PPP3CB: variants seen among roughly 807,000 people sequenced by gnomAD.
PPP3CB encodes the protein protein phosphatase 3 catalytic subunit beta.
PPP3CB carries 8 observed loss-of-function variants against 66.4 expected under a neutral mutation model. The ratio of observed to expected loss-of-function variants is 0.12; its 90% CI spans 0.07 to 0.22. PPP3CB has a LOEUF of 0.22. Among genes scored for constraint, PPP3CB ranks in the 10% least tolerant of loss-of-function variants. The probability of loss-of-function intolerance (pLI) is 1.00; values close to 1 mark genes in which losing one functional copy is unlikely to be tolerated. For missense variants in PPP3CB, 319 were observed against 642.5 expected, an observed-to-expected ratio of 0.50 and a Z score of 5.44; for synonymous variants, 208 against 221.2, an observed-to-expected ratio of 0.94 and a Z score of 0.53.
At chr10:73,495,305 C>T (rs1307389279) in intron 1 of PPP3CB, among the ~76,000 whole-genome samples, 1 of 152,204 alleles carries the variant, frequency 6.6e-6, no homozygotes, top group Non-Finnish European at 1.5e-5. Context: ...AAAAGTGAAC[C>T]CCTGCGGTTG....
At chr10:73,458,605 C>T (rs1184245420) in intron 9 of PPP3CB, among the ~76,000 whole-genome samples, 2 of 151,416 alleles carry the variant, frequency 1.3e-5, no homozygotes, top group Non-Finnish European at 2.9e-5. Context: ...AGTTACCAGC[C>T]TGGGCAACAT....
chr10:73,443,044 A>C (rs149204829), intron 12 of PPP3CB, among the ~76,000 whole-genome samples: 7,054 of 151,354 alleles, frequency 0.047, 503 homozygotes, highest in African/African-American at 0.15. Context: ...AAAAAAAATA[A>C]AAAAAATTAG....
At chr10:73,483,277 C>T (rs183110535) in intron 1 of PPP3CB, among the ~76,000 whole-genome samples, 2 of 152,302 alleles carry the variant, frequency 1.3e-5, no homozygotes, top group Admixed American at 1.3e-4. Flanking sequence ...AGAAAAACGT[C>T]ACCTACTCAT....
At chr10:73,495,745 C>A in intron 1 of PPP3CB, 60 bp downstream of exon 1, 1 of 1,537,786 alleles carries the variant, frequency 6.5e-7, no homozygotes, top group Non-Finnish European at 8.8e-7. Flanking sequence ...GGTCTCCCGC[C>A]CGCCCTCACA....
chr10:73,492,353 T>C (rs1483220245), intron 1 of PPP3CB, among the ~76,000 whole-genome samples: 1 of 152,224 alleles, frequency 6.6e-6, no homozygotes, highest in Admixed American at 6.5e-5. Context: ...AATCCAGCTT[T>C]ACAAATCTAG....
At chr10:73,486,312 T>C (rs2056976942) in intron 1 of PPP3CB, among the ~76,000 whole-genome samples, 1 of 148,064 alleles carries the variant, frequency 6.8e-6, no homozygotes, top group South Asian at 2.2e-4. Flanking sequence ...TTTTTTTTTT[T>C]TTTTTCTTCT....
chr10:73,471,012 T>G lies in PPP3CB; in HGVS notation c.810-48A>C. ...TAAGTAAAATAATGGCTTTTCTGTA[T>G]GAAGCATATGCTATGTTAACAACTA... On this transcript the variant is annotated intron_variant, in intron 6 of 13. Coordinates refer to ENST00000360663, the MANE Select transcript of PPP3CB (RefSeq NM_021132.4). 1.9e-6 allele frequency: 3 copies of G among 1,602,404 alleles called. No individual in the cohort carries two copies. In the African/African-American group the frequency reaches 4.0e-5, roughly 21 times the overall value.
chr10:73,490,072 A>G (rs1246582077), intron 1 of PPP3CB, among the ~76,000 whole-genome samples: 1 of 152,200 alleles, frequency 6.6e-6, no homozygotes, highest in Non-Finnish European at 1.5e-5. Flanking sequence ...CTTACTTAAT[A>G]TCCTATTCAC....
At chr10:73,468,807 T>C (rs1230147420) in intron 8 of PPP3CB, among the ~76,000 whole-genome samples, 2 of 152,218 alleles carry the variant, frequency 1.3e-5, no homozygotes, top group African/African-American at 4.8e-5. Context: ...ATTATATGTT[T>C]TGACAATCAG....
chr10:73,471,212 G>A lies in PPP3CB; in HGVS notation c.670-3C>T, dbSNP rs1275528358. 1 of 1,580,594 alleles carries A rather than the reference G, an allele frequency of 6.3e-7. No individual in the cohort carries two copies. Among genetic ancestry groups the A allele is most frequent in the Admixed American group, 1.8e-5 (1 of 54,790 alleles). ...GGTGGCTCTTTGAATCTATCTAACT[G>A]TGAAAGAAAGAAAAGAAAGAACAGA... On this transcript the variant is annotated splice_polypyrimidine_tract_variant and splice_region_variant and intron_variant, in intron 5 of 13. Coordinates refer to ENST00000360663, the MANE Select transcript of PPP3CB (RefSeq NM_021132.4).
At chr10:73,477,962 C>T (rs2056818507) in intron 3 of PPP3CB, among the ~76,000 whole-genome samples, 1 of 152,028 alleles carries the variant, frequency 6.6e-6, no homozygotes, top group Admixed American at 6.6e-5. Context: ...AAGGAACCAT[C>T]TACTGTTAAG....
intron 1 of PPP3CB, among the ~76,000 whole-genome samples, chr10:73,480,871 G>A (rs2056864440): frequency 6.6e-6 from 1 of 152,140 alleles, no homozygotes; most frequent in African/African-American, 2.4e-5. Flanking sequence ...AGTGATATTT[G>A]TTGAGTGGAA....
chr10:73,475,934 GCAGC>G (rs1234460153), intron 3 of PPP3CB, among the ~76,000 whole-genome samples: 1 of 152,154 alleles, frequency 6.6e-6, no homozygotes, highest in Non-Finnish European at 1.5e-5. Context: ...ACTGCTCACT[GCAGC>G]CTCGACCTTC....
chr10:73,475,096 T>C (rs2056766539), intron 3 of PPP3CB, 66 bp from the exon 4 acceptor site: 5 of 1,553,758 alleles, frequency 3.2e-6, no homozygotes, highest in Non-Finnish European at 4.3e-6. Flanking sequence ...GCTTGATCTT[T>C]GCTCCTTTTC....
chr10:73,457,554 A>G (rs1180517174), intron 9 of PPP3CB, among the ~76,000 whole-genome samples: 1 of 152,054 alleles, frequency 6.6e-6, no homozygotes, highest in Admixed American at 6.6e-5. Flanking sequence ...CCTTACCAAC[A>G]TGGTGAAACC....
At chr10:73,483,789 A>G (rs1001150887) in intron 1 of PPP3CB, among the ~76,000 whole-genome samples, 4 of 152,232 alleles carry the variant, frequency 2.6e-5, no homozygotes, top group Non-Finnish European at 5.9e-5. Flanking sequence ...ATAACTGTCC[A>G]AATAGAATTT....
chr10:73,480,974 T>C (rs1294996874), intron 1 of PPP3CB, among the ~76,000 whole-genome samples: 1 of 152,178 alleles, frequency 6.6e-6, no homozygotes, highest in Non-Finnish European at 1.5e-5. Context: ...TTTTTCTTAT[T>C]CCTTTTTTAC....
At chr10:73,485,350 A>G (rs1354584968) in intron 1 of PPP3CB, among the ~76,000 whole-genome samples, 1 of 152,208 alleles carries the variant, frequency 6.6e-6, no homozygotes, top group Non-Finnish European at 1.5e-5. Flanking sequence ...GGGTGGTGGT[A>G]CAGAGATCTT....
In PPP3CB at chr10:73,438,188, G is replaced by T. The variant is rs908010559; in HGVS notation, c.*54C>A. 4.5e-6 allele frequency: 7 copies of T among 1,546,232 alleles called. No homozygotes were observed. The highest frequency in any genetic ancestry group is 1.1e-5 in the South Asian group (1 of 87,054). ...GCTTGGCCGACCCCTCCAGCTCCTC[G>T]GGTGATCTGTCCATTTGGGGCCCGA... On this transcript the variant is annotated 3_prime_UTR_variant, in exon 14 of 14. Transcript: ENST00000360663.
Sources: gnomAD v4.1 joint callset for allele counts (sites outside exome capture counted in the v4.1 genomes callset) on GRCh38, gnomAD v4.1.1 for gene constraint, MANE v1.5 for transcripts, NCBI Gene and HGNC (gene_info 2026-07-23, HGNC 2026-07-21) for gene names.